Variants in THRB observed in about 807,000 individuals in gnomAD.
THRB encodes the protein nuclear receptor subfamily 1 group A member 2.
A neutral mutation model predicts 47.8 loss-of-function variants in THRB; 12 were observed. That is an observed-to-expected ratio of 0.25 (90% CI 0.16 to 0.41). The LOEUF (loss-of-function observed/expected upper bound fraction) is 0.41, where lower values mean the gene tolerates loss of function less well. Among genes scored for constraint, THRB ranks in the 10% least tolerant of loss-of-function variants. The probability of loss-of-function intolerance (pLI) is 1.00; values close to 1 mark genes in which losing one functional copy is unlikely to be tolerated. For missense variants in THRB, 348 were observed against 589.2 expected, an observed-to-expected ratio of 0.59 and a Z score of 4.24; for synonymous variants, 218 against 212.2, an observed-to-expected ratio of 1.03 and a Z score of -0.24.
chr3:24,184,425 T>TC (rs1167131588), intron 5 of THRB, among the ~76,000 whole-genome samples: 2 of 152,220 alleles, frequency 1.3e-5, no homozygotes, highest in African/African-American at 2.4e-5. Context: ...GGGTGGTCCA[T>TC]CCTCTGCTCT....
intron 3 of THRB, among the ~76,000 whole-genome samples, chr3:24,252,788 AG>A (rs1353770849): frequency 6.6e-6 from 1 of 152,158 alleles, no homozygotes; most frequent in Non-Finnish European, 1.5e-5. Context: ...AATATGGTTA[AG>A]TGAGAAAAGC....
In THRB at chr3:24,278,568, C is replaced by G. The variant is rs191053890; in HGVS notation, c.-43+18658G>C. On this transcript the variant is annotated intron_variant, in intron 3 of 10. Coordinates refer to ENST00000646209, the MANE Select transcript of THRB (RefSeq NM_001354712.2). Reference sequence around the variant, plus strand: ...TGACAGATTTTTCACTTACAAAGAACCTAGGATTATAGAAAAGAAAGCCAT... The same window carrying G: ...TGACAGATTTTTCACTTACAAAGAAGCTAGGATTATAGAAAAGAAAGCCAT... 2.6e-4 allele frequency among the ~76,000 whole-genome samples: 40 copies of G among 152,156 alleles called. No homozygotes were observed. In the East Asian group the frequency reaches 7.2e-3, roughly 27 times the overall value.
intron 9 of THRB, among the ~76,000 whole-genome samples, chr3:24,129,780 T>C (rs761645991): frequency 3.3e-5 from 5 of 151,950 alleles, no homozygotes; most frequent in Non-Finnish European, 4.4e-5. Flanking sequence ...ATCACTCAGG[T>C]TGACTGGCAA....
intron 1 of THRB, among the ~76,000 whole-genome samples, chr3:24,482,292 A>G (rs1696559820): frequency 6.6e-6 from 1 of 152,128 alleles, no homozygotes; most frequent in African/African-American, 2.4e-5. Context: ...CCATTATCTC[A>G]TGTAATTTCT....
intron 1 of THRB, chr3:24,483,933 T>C (rs1696862474): frequency 6.6e-6 from 1 of 152,236 alleles, no homozygotes; most frequent in South Asian, 2.1e-4. Context: ...CAAGGGAATG[T>C]GAGCAAAGTG....
intron 1 of THRB, among the ~76,000 whole-genome samples, chr3:24,413,475 A>G (rs2068480237): frequency 6.6e-6 from 1 of 151,856 alleles, no homozygotes; most frequent in African/African-American, 2.4e-5. Flanking sequence ...ATTTAGAAAA[A>G]TAAAGAAATC....
chr3:24,393,779 C>T (rs1162601121), intron 1 of THRB, among the ~76,000 whole-genome samples: 1 of 152,138 alleles, frequency 6.6e-6, no homozygotes, highest in Non-Finnish European at 1.5e-5. Context: ...AGAATGAAGA[C>T]TTTACAACCA....
chr3:24,469,779 G>A (rs982952), intron 1 of THRB, among the ~76,000 whole-genome samples: 44,029 of 151,922 alleles, frequency 0.29, 6,398 homozygotes, highest in East Asian at 0.35. Context: ...AAAGAGTGAG[G>A]TACGAGTAAA....
chr3:24,390,825 T>C (rs181192637), intron 1 of THRB, among the ~76,000 whole-genome samples: 2 of 149,582 alleles, frequency 1.3e-5, no homozygotes, highest in East Asian at 3.9e-4. Context: ...ATATTATTTT[T>C]AAATTCTTGG....
Position 24,226,820 on chromosome 3 carries a change from A to ACAGC in THRB, c.22+2114_22+2117dup, listed in dbSNP as rs1178923457. 3.3e-5 allele frequency among the ~76,000 whole-genome samples: 5 copies of ACAGC among 152,384 alleles called. No homozygotes were observed. In the East Asian group the frequency reaches 9.6e-4, roughly 29 times the overall value. The stretch of plus-strand genomic sequence containing the variant: ...CTGTTTTATAAATTTGTAGTAAACC[A>ACAGC]CAGCCAAGTCTATTTATTTACATAT... On this transcript the variant is annotated intron_variant, in intron 4 of 10. Transcript: ENST00000646209.
At chr3:24,471,914 C>G (rs1189873160) in intron 1 of THRB, among the ~76,000 whole-genome samples, 5 of 152,182 alleles carry the variant, frequency 3.3e-5, no homozygotes, top group Non-Finnish European at 7.3e-5. Context: ...CTTTGTTCCT[C>G]CCTTTGCCTA....
chr3:24,259,447 C>T (rs1235574828), intron 3 of THRB, among the ~76,000 whole-genome samples: 1 of 152,078 alleles, frequency 6.6e-6, no homozygotes, highest in African/African-American at 2.4e-5. Flanking sequence ...ATGTTCTTAA[C>T]AGTGTATGTG....
chr3:24,472,203 A>T (rs1256197744), intron 1 of THRB, among the ~76,000 whole-genome samples: 1 of 152,200 alleles, frequency 6.6e-6, no homozygotes, highest in Non-Finnish European at 1.5e-5. Context: ...CAAGGTTCAT[A>T]CTTTGCCTGC....
intron 1 of THRB, among the ~76,000 whole-genome samples, chr3:24,408,999 A>C (rs1428545536): frequency 6.6e-6 from 1 of 151,800 alleles, no homozygotes; most frequent in East Asian, 1.9e-4. Context: ...TTGGTATTTC[A>C]TTCTTATGGT....
intron 1 of THRB, among the ~76,000 whole-genome samples, chr3:24,409,662 A>G (rs1055616486): frequency 1.3e-5 from 2 of 151,878 alleles, no homozygotes; most frequent in Non-Finnish European, 2.9e-5. Flanking sequence ...ACACAGAAAC[A>G]CTTGAAAAAT....
chr3:24,336,955 C>T (rs2062301338), intron 2 of THRB, among the ~76,000 whole-genome samples: 1 of 152,072 alleles, frequency 6.6e-6, no homozygotes, highest in Non-Finnish European at 1.5e-5. Flanking sequence ...ATCTCCTGAC[C>T]TCATGATCCG....
chr3:24,355,167 AGAAG>A (rs2063595497), intron 1 of THRB, among the ~76,000 whole-genome samples: 1 of 152,160 alleles, frequency 6.6e-6, no homozygotes, highest in Non-Finnish European at 1.5e-5. Context: ...TGATGCACTG[AGAAG>A]GACATGAGAT....
chr3:24,182,309 A>T (rs1283811852), intron 5 of THRB, among the ~76,000 whole-genome samples: 1 of 152,232 alleles, frequency 6.6e-6, no homozygotes, highest in Non-Finnish European at 1.5e-5. Flanking sequence ...GTCCTGGGGA[A>T]GGGAAAGACT....
chr3:24,230,157 AT>A (rs1227536858), intron 3 of THRB, among the ~76,000 whole-genome samples: 1 of 152,206 alleles, frequency 6.6e-6, no homozygotes, highest in African/African-American at 2.4e-5. Context: ...ACACAGATTT[AT>A]ACATAGCCAT....
Sources: gnomAD v4.1 joint callset for allele counts (sites outside exome capture counted in the v4.1 genomes callset) on GRCh38, gnomAD v4.1.1 for gene constraint, MANE v1.5 for transcripts, NCBI Gene and HGNC (gene_info 2026-07-23, HGNC 2026-07-21) for gene names.